Variants in LMBRD1 observed in about 807,000 individuals in gnomAD.
LMBRD1 encodes the protein LMBR1 domain containing 1.
Under a neutral mutation model 74.8 loss-of-function variants are expected in LMBRD1, and 64 were observed. That is an observed-to-expected ratio of 0.86 (90% CI 0.70 to 1.05). The LOEUF (loss-of-function observed/expected upper bound fraction) is 1.05, where lower values mean the gene tolerates loss of function less well. Among genes scored for constraint, LMBRD1 ranks in the 50% least tolerant of loss-of-function variants. The pLI, the probability that LMBRD1 is intolerant of heterozygous loss-of-function variation, is 0.00. For missense variants in LMBRD1, 652 were observed against 645.9 expected (o/e 1.01, Z -0.10); for synonymous variants, 204 against 216.3 (o/e 0.94, Z 0.50).
chr6:69,679,064 A>G (rs1187755117), intron 14 of LMBRD1, among the ~76,000 whole-genome samples: 1 of 129,816 alleles, frequency 7.7e-6, no homozygotes, highest in African/African-American at 2.5e-5. Context: ...AAACAAAAAC[A>G]AACAAACAAA....
At chr6:69,688,839 T>C (rs939542500) in intron 14 of LMBRD1, among the ~76,000 whole-genome samples, 1 of 152,106 alleles carries the variant, frequency 6.6e-6, no homozygotes. Context: ...TGAGGTAATA[T>C]ATATACTCTT....
intron 14 of LMBRD1, among the ~76,000 whole-genome samples, chr6:69,695,317 A>T (rs968880091): frequency 3.3e-5 from 5 of 151,882 alleles, no homozygotes; most frequent in Non-Finnish European, 2.9e-5. Context: ...CTAACATTAA[A>T]TTTTTTCTCT....
intron 8 of LMBRD1, among the ~76,000 whole-genome samples, chr6:69,717,489 CTT>C (rs1238421108): frequency 6.6e-6 from 1 of 152,036 alleles, no homozygotes. Context: ...TTTGAAAAGA[CTT>C]TTTAAAAAAA....
intron 12 of LMBRD1, 30 bp downstream of exon 12, chr6:69,700,735 G>GA (rs761059992): frequency 5.9e-6 from 8 of 1,360,024 alleles, no homozygotes; most frequent in African/African-American, 1.5e-5. Context: ...AAAATGATGA[G>GA]AAAAAAATAA....
At chr6:69,742,689 G>A (rs1352427367) in intron 5 of LMBRD1, among the ~76,000 whole-genome samples, 11 of 152,030 alleles carry the variant, frequency 7.2e-5, no homozygotes, top group Non-Finnish European at 8.8e-5. Context: ...TAAGCAAAGT[G>A]ATAAGATTTA....
rs756284919 is a variant in LMBRD1 at position 69,780,517 on chromosome 6, T to C, written c.284A>G (p.Asp95Gly). 5.6e-6 allele frequency: 9 copies of C among 1,610,858 alleles called. No individual in the cohort carries two copies. The highest frequency in any genetic ancestry group is 1.1e-5 in the South Asian group (1 of 91,030). The change falls in exon 3 of 16, where the codon GAC (aspartate) becomes GGC (glycine). Residue 95 changes from aspartate (D) to glycine (G), a missense_variant. Asp to Gly is a moderately conservative substitution (Grantham distance 94). Coordinates refer to ENST00000649934, the MANE Select transcript of LMBRD1 (RefSeq NM_018368.4). ...ACTATAGTAACCGTATAATACAGTG[T>C]CCTCAATCTGTCTGCTGACATTAGC... ...ANANVSRQIE[D>G]TVLYGYYTLY...
chr6:69,787,556 C>G (rs1456112973), intron 2 of LMBRD1, among the ~76,000 whole-genome samples: 1 of 152,058 alleles, frequency 6.6e-6, no homozygotes, highest in Non-Finnish European at 1.5e-5. Context: ...ACCAGCCTGG[C>G]CAACATGGTG....
intron 3 of LMBRD1, among the ~76,000 whole-genome samples, chr6:69,768,029 A>T (rs899860609): frequency 6.6e-6 from 1 of 151,894 alleles, no homozygotes; most frequent in African/African-American, 2.4e-5. Context: ...TTTGCATGAC[A>T]TCTTTTACTA....
chr6:69,710,888 A>T (rs1766368090), intron 9 of LMBRD1, among the ~76,000 whole-genome samples: 1 of 152,318 alleles, frequency 6.6e-6, no homozygotes, highest in Non-Finnish European at 1.5e-5. Context: ...ACCCTTTTGG[A>T]AAACAACTTC....
At chr6:69,738,587 T>C (rs368325274) in intron 6 of LMBRD1, among the ~76,000 whole-genome samples, 10 of 146,466 alleles carry the variant, frequency 6.8e-5, no homozygotes, top group East Asian at 3.9e-4. Context: ...AACGAGAAAA[T>C]AGGTTTAAAA....
intron 14 of LMBRD1, among the ~76,000 whole-genome samples, chr6:69,697,112 C>T (rs1240912775): frequency 1.3e-5 from 2 of 151,434 alleles, no homozygotes; most frequent in Non-Finnish European, 2.9e-5. Flanking sequence ...TAACACAATG[C>T]CTTGAAAACA....
At chr6:69,762,673 G>A (rs1765396153) in intron 3 of LMBRD1, among the ~76,000 whole-genome samples, 1 of 152,116 alleles carries the variant, frequency 6.6e-6, no homozygotes, top group African/African-American at 2.4e-5. Context: ...AGTATTTGGA[G>A]GTGGGGTCTT....
intron 14 of LMBRD1, among the ~76,000 whole-genome samples, chr6:69,691,875 CAAAAAAAAAAA>C (rs34100007): frequency 3.1e-5 from 2 of 65,114 alleles, no homozygotes; most frequent in Admixed American, 3.5e-4. Context: ...GACTCCGTCT[CAAAAAAAAAAA>C]AAAAAAAAAA....
chr6:69,732,500 A>G (rs905744095), intron 7 of LMBRD1, among the ~76,000 whole-genome samples: 4 of 152,168 alleles, frequency 2.6e-5, no homozygotes, highest in Non-Finnish European at 4.4e-5. Context: ...CACCCAGTCT[A>G]TGGTACATCT....
intron 8 of LMBRD1, among the ~76,000 whole-genome samples, chr6:69,717,616 T>G (rs1049572650): frequency 6.6e-6 from 1 of 152,234 alleles, no homozygotes; most frequent in African/African-American, 2.4e-5. Context: ...GTATCATGTT[T>G]GCATTTCTGA....
chr6:69,700,717 TC>T (rs1451972111), intron 12 of LMBRD1, 47 bp downstream of exon 12: 3 of 1,232,240 alleles, frequency 2.4e-6, no homozygotes, highest in Middle Eastern at 4.0e-4. Context: ...ATTATGGAGA[TC>T]ACACACAAAA....
chr6:69,728,088 G>A (rs1766774010), intron 7 of LMBRD1, among the ~76,000 whole-genome samples: 2 of 152,178 alleles, frequency 1.3e-5, no homozygotes, highest in African/African-American at 4.8e-5. Flanking sequence ...CAGGAAGCAT[G>A]GTTAGGGACA....
At chr6:69,761,926 G>A (rs906983227) in intron 3 of LMBRD1, among the ~76,000 whole-genome samples, 2 of 152,170 alleles carry the variant, frequency 1.3e-5, no homozygotes, top group African/African-American at 2.4e-5. Context: ...CTTAGCACAG[G>A]GGTTGGGATT....
At chr6:69,773,898 T>C (rs1171691453) in intron 3 of LMBRD1, among the ~76,000 whole-genome samples, 2 of 152,212 alleles carry the variant, frequency 1.3e-5, no homozygotes, top group Non-Finnish European at 2.9e-5. Context: ...TGCATCAATA[T>C]AGATGTTTCA....
Sources: allele counts gnomAD v4.1 joint callset (sites outside exome capture counted in the v4.1 genomes callset), GRCh38; gene constraint gnomAD v4.1.1; transcripts MANE v1.5; gene names NCBI Gene and HGNC (gene_info 2026-07-23, HGNC 2026-07-21).